EI24: variants seen among roughly 807,000 people sequenced by gnomAD.
EI24 encodes EI24 autophagy associated transmembrane protein.
EI24 carries 21 observed loss-of-function variants against 48.6 expected under a neutral mutation model. That is an observed-to-expected ratio of 0.43 (90% CI 0.31 to 0.62). EI24 has a LOEUF of 0.62. Ranked by LOEUF, EI24 falls within the 20% of genes least tolerant of loss-of-function variation. The pLI is 0.10. For missense variants in EI24, 280 were observed against 410.5 expected (o/e 0.68, Z 2.75); for synonymous variants, 114 against 145.5 (o/e 0.78, Z 1.56).
rs776530046 is a variant in EI24, at chr11:125,580,126, G to C, written c.595G>C (p.Val199Leu). Residue 199 changes from valine to leucine, a missense_variant, in exon 8 of 11, where the codon GTC (valine) becomes CTC (leucine). This residue lies in a region of EI24 where 204 missense variants were observed against 294.1 expected (regional missense o/e 0.69). Transcript: ENST00000278903. ...TGTGAGTCTCTTTCCCATCCATCTTGTCGGTCAGCTGGTTAGTCTCCTGCA... is the reference window on the plus strand; with the variant it reads ...TGTGAGTCTCTTTCCCATCCATCTTCTCGGTCAGCTGGTTAGTCTCCTGCA... ...MFVSLFPIHLVGQLVSLLHMS... is the reference protein window; with the variant it reads ...MFVSLFPIHLLGQLVSLLHMS... 5.6e-6 allele frequency: 9 copies of C among 1,613,660 alleles called. No homozygotes were observed. The highest frequency in any genetic ancestry group is 7.6e-6 in the Non-Finnish European group (9 of 1,179,742).
intron 2 of EI24, 125 bp downstream of exon 2, chr11:125,572,694 G>A: frequency 2.2e-6 from 2 of 895,606 alleles, no homozygotes; most frequent in South Asian, 1.6e-5. Flanking sequence ...TTTACATAAA[G>A]GTTGTTATTC....
chr11:125,579,140 C>G lies in EI24; in HGVS notation c.561+72C>G, dbSNP rs544179122. ...AACTGTTTCACTAGAGAGAACTTCA[C>G]AAAGACAGAGTATTATATTTATACA... is the stretch of plus-strand genomic sequence containing the variant. On this transcript the variant is annotated intron_variant, in intron 7 of 10. Transcript: ENST00000278903. 2,394 of 1,428,832 alleles carry G rather than the reference C, an allele frequency of 1.7e-3. 49 individuals carry two copies. In the South Asian group the frequency reaches 0.029, roughly 17 times the overall value. The allele number at this position is 1,428,832 out of a possible 1,614,324, so 88.5% of individuals were successfully genotyped here.
rs1459066271 is a variant in EI24 at position 125,583,836 on chromosome 11, T to C, written c.*153T>C. ...TCTCTGAGGAATTGAAATTTTTGTC[T>C]CTGGTGCACGTAAGGCAGAATGTTC... On this transcript the variant is annotated 3_prime_UTR_variant, in exon 11 of 11. Transcript: ENST00000278903. 1.9e-6 allele frequency: 2 copies of C among 1,049,052 alleles called. No individual in the cohort carries two copies. Among genetic ancestry groups the C allele is most frequent in the Non-Finnish European group, 2.7e-6 (2 of 728,532 alleles). 65.0% of individuals were successfully genotyped at this position (1,049,052 alleles called of 1,614,324 possible).
chr11:125,571,218 A>C (rs1191875779), intron 1 of EI24, among the ~76,000 whole-genome samples: 1 of 152,172 alleles, frequency 6.6e-6, no homozygotes, highest in Non-Finnish European at 1.5e-5. Context: ...CTGCTTGTGA[A>C]ATTCTGTCTT....
intron 1 of EI24, 104 bp downstream of exon 1, chr11:125,569,677 G>C (rs1938456226): frequency 3.1e-6 from 1 of 318,714 alleles, no homozygotes. Context: ...GGTTGGTGGG[G>C]CTACCGGCGA....
At chr11:125,577,311 C>T (rs901268548) in intron 4 of EI24, among the ~76,000 whole-genome samples, 193 bp from the exon 5 acceptor site, 10 of 152,142 alleles carry the variant, frequency 6.6e-5, no homozygotes, top group African/African-American at 2.4e-4. Flanking sequence ...AGGCTGGTCT[C>T]GAACTCCTGA....
chr11:125,583,106 TC>T (rs1939081981), intron 10 of EI24, among the ~76,000 whole-genome samples: 2 of 152,092 alleles, frequency 1.3e-5, no homozygotes, highest in African/African-American at 4.8e-5. Context: ...CCCAATGCAT[TC>T]TTTTTTTTTT....
At chr11:125,575,818 G>A in intron 3 of EI24, 2 of 285,746 alleles carry the variant, frequency 7.0e-6, no homozygotes, top group South Asian at 2.6e-5. Context: ...TTCTTGCCCT[G>A]TCACCAAGCT....
At chr11:125,577,859 T>A in intron 5 of EI24, 1 of 574,798 alleles carries the variant, frequency 1.7e-6, no homozygotes, top group Non-Finnish European at 3.1e-6. Context: ...ATCCTGCAGA[T>A]AGCGTACTGG....
At chr11:125,577,031 G>C (rs1938775985) in intron 4 of EI24, among the ~76,000 whole-genome samples, 1 of 152,052 alleles carries the variant, frequency 6.6e-6, no homozygotes, top group Non-Finnish European at 1.5e-5. Context: ...TTGGAGTGTT[G>C]GGAAATAGAA....
In EI24 at chr11:125,584,203, A is replaced by G. The variant is rs1446884890; in HGVS notation, c.*520A>G. On this transcript the variant is annotated 3_prime_UTR_variant, in exon 11 of 11. Transcript: ENST00000278903. ...TGTCTTGTTTCTTGTAACTCAGGTTAGGTTTTGGTCTCTCTTGCTCCACTG... is the reference window on the plus strand; with the variant it reads ...TGTCTTGTTTCTTGTAACTCAGGTTGGGTTTTGGTCTCTCTTGCTCCACTG... 8.4e-6 allele frequency: 1 copy of G among 119,508 alleles called. No homozygotes were observed. Among genetic ancestry groups the G allele is most frequent in the Admixed American group, 1.2e-4 (1 of 8,566 alleles). 7.4% of individuals were successfully genotyped at this position (119,508 alleles called of 1,614,324 possible).
chr11:125,581,152 C>G, intron 8 of EI24, 59 bp from the exon 9 acceptor site: 1 of 985,022 alleles, frequency 1.0e-6, no homozygotes, highest in South Asian at 1.5e-5. Context: ...ACCATAGTTA[C>G]TTAGTCACTT....
intron 3 of EI24, chr11:125,575,795 T>TG (rs1220322975): frequency 1.0e-5 from 3 of 299,558 alleles, no homozygotes; most frequent in African/African-American, 6.7e-5. Context: ...TTTTTTTTTT[T>TG]TTTTGAGACG....
Position 125,583,769 on chromosome 11 carries a change from G to T in EI24, c.*86G>T. The T allele has an allele frequency of 6.5e-7, 1 of 1,546,798 alleles. No individual in the cohort carries two copies. The highest frequency in any genetic ancestry group is 1.2e-5 in the South Asian group (1 of 83,912). The stretch of plus-strand genomic sequence containing the variant: ...TGTTCACCTCCCGCCTGCCAGGGAA[G>T]GCAGGACCCGCTCTGCCAAGGGCCC... On this transcript the variant is annotated 3_prime_UTR_variant, in exon 11 of 11. Coordinates refer to ENST00000278903, the MANE Select transcript of EI24 (RefSeq NM_004879.5).
At position 125,578,126 on chromosome 11, in the gene EI24, T is replaced by C. The variant is rs759330627; in HGVS notation, c.317-7T>C. On this transcript the variant is annotated splice_polypyrimidine_tract_variant and splice_region_variant and intron_variant, in intron 5 of 10. Transcript: ENST00000278903. ...CCATTTCTAGTAACTCGTTTCCTCT[T>C]TCTTAGGTGACCCATCACTACATGG... 1 of 1,612,890 alleles carries C rather than the reference T, an allele frequency of 6.2e-7. No individual in the cohort carries two copies. The highest frequency in any genetic ancestry group is 1.1e-5 in the South Asian group (1 of 91,020).
intron 1 of EI24, among the ~76,000 whole-genome samples, chr11:125,571,684 C>G (rs1053688995): frequency 6.6e-5 from 10 of 152,034 alleles, no homozygotes; most frequent in Admixed American, 2.0e-4. Context: ...TGAGATCAGC[C>G]TGGCCAACAT....
chr11:125,583,673 C>T lies in EI24; in HGVS notation c.1013C>T (p.Ala338Val). The change falls in exon 11 of 11, where the codon GCA (alanine) becomes GTA (valine). Residue 338 changes from alanine (A) to valine (V), a missense_variant. Ala to Val is a moderately conservative substitution (Grantham distance 64, BLOSUM62 0). Around this residue, in one of 3 missense-constraint regions of EI24, gnomAD observed 62 missense variants for 65.1 expected, o/e 0.95. Coordinates refer to ENST00000278903, the MANE Select transcript of EI24 (RefSeq NM_004879.5). ...HPSPAKLKAT[A>V]GH is the part of the protein sequence containing the mutation. The stretch of plus-strand genomic sequence containing the variant: ...TCGCCTGCCAAACTGAAGGCTACTG[C>T]AGGTCACTGAGTTGCCTGCCATCCA... 6.2e-7 allele frequency: 1 copy of T among 1,612,444 alleles called. No homozygotes were observed. Among genetic ancestry groups the T allele is most frequent in the Non-Finnish European group, 8.5e-7 (1 of 1,179,246 alleles).
chr11:125,577,370 T>G, intron 4 of EI24, 134 bp from the exon 5 acceptor site: 6 of 788,514 alleles, frequency 7.6e-6, no homozygotes, highest in African/African-American at 1.7e-5. Context: ...CCACCGCGCA[T>G]GAGCCACCGC....
At chr11:125,578,280 T>C (rs1938834149) in intron 6 of EI24, 23 bp downstream of exon 6, 1 of 1,613,476 alleles carries the variant, frequency 6.2e-7, no homozygotes, top group Non-Finnish European at 8.5e-7. Flanking sequence ...CAGAATGGAG[T>C]CTGGGTCCCG....
Sources: allele counts gnomAD v4.1 joint callset (sites outside exome capture counted in the v4.1 genomes callset), GRCh38; gene constraint gnomAD v4.1.1; regional missense constraint gnomAD v4.1.1; transcripts MANE v1.5; gene names NCBI Gene and HGNC (gene_info 2026-07-23, HGNC 2026-07-21).